Variants in KHDRBS2 observed in about 807,000 individuals in gnomAD.
KHDRBS2 encodes KH domain-containing, RNA-binding, signal transduction-associated protein 2.
Under a neutral mutation model 44.3 loss-of-function variants are expected in KHDRBS2, and 26 were observed. The observed-to-expected ratio is 0.59, with a 90% CI of 0.43 to 0.81. The LOEUF is 0.81. Among genes scored for constraint, KHDRBS2 ranks in the 40% least tolerant of loss-of-function variants. The probability of loss-of-function intolerance (pLI) is 0.00; values close to 1 mark genes in which losing one functional copy is unlikely to be tolerated. For synonymous variants in KHDRBS2, 194 were observed against 151.1 expected (o/e 1.28, Z -2.08); for missense variants, 476 against 433.1 (o/e 1.10, Z -0.88).
rs1396582237 is a variant in KHDRBS2 at position 61,955,601 on chromosome 6, T to C, written c.483+22465A>G. Among the ~76,000 whole-genome samples the C allele has an allele frequency of 3.0e-5, 2 of 66,180 alleles. 1 individual carries two copies. Among genetic ancestry groups the C allele is most frequent in the East Asian group, 1.5e-3 (2 of 1,372 alleles). The allele number at this position is 66,180 out of a possible 152,430, so 43.4% of individuals were successfully genotyped here. A position where few individuals can be genotyped will look rare whatever the true frequency, so the allele number is the denominator to read the frequency against. On this transcript the variant is annotated intron_variant, in intron 4 of 8. Coordinates refer to ENST00000281156, the MANE Select transcript of KHDRBS2 (RefSeq NM_152688.4). ...GTATGTATGTATGTATACATGTGTGTATATACACGTATGTATGTATGCATA... is the reference window on the plus strand; with the variant it reads ...GTATGTATGTATGTATACATGTGTGCATATACACGTATGTATGTATGCATA...
At chr6:62,000,996 C>T (rs1295401134) in intron 3 of KHDRBS2, among the ~76,000 whole-genome samples, 1 of 152,078 alleles carries the variant, frequency 6.6e-6, no homozygotes, top group Non-Finnish European at 1.5e-5. Flanking sequence ...GTTAAAGTAA[C>T]ACAAAGTGAC....
chr6:61,937,663 G>A (rs563843086), intron 4 of KHDRBS2, among the ~76,000 whole-genome samples: 20 of 152,134 alleles, frequency 1.3e-4, no homozygotes, highest in South Asian at 8.3e-4. Context: ...ACAGCCTTGC[G>A]CCAGCAGGCT....
intron 2 of KHDRBS2, among the ~76,000 whole-genome samples, chr6:62,066,161 A>C (rs558589278): frequency 1.4e-4 from 22 of 151,860 alleles, no homozygotes; most frequent in African/African-American, 5.1e-4. Context: ...CTATTATATT[A>C]ACAAACAGTC....
At chr6:61,627,865 A>G in the KHDRBS2 span, among the ~76,000 whole-genome samples, 2 of 152,200 alleles carry the variant, frequency 1.3e-5, no homozygotes, top group East Asian at 3.9e-4. Context: ...GTTCTAGTGA[A>G]TTTTCAAACC....
At chr6:62,235,669 T>C (rs1223930767) in intron 1 of KHDRBS2, among the ~76,000 whole-genome samples, 1 of 152,048 alleles carries the variant, frequency 6.6e-6, no homozygotes, top group African/African-American at 2.4e-5. Context: ...ATTTAAAAGA[T>C]GAAAATAGAA....
the KHDRBS2 span, among the ~76,000 whole-genome samples, chr6:61,553,234 G>T: frequency 1.3e-5 from 2 of 152,068 alleles, no homozygotes; most frequent in Non-Finnish European, 2.9e-5. Context: ...CTCTTGGGAG[G>T]TTGTATGTGT....
chr6:61,990,296 C>T (rs1775882758), intron 3 of KHDRBS2, among the ~76,000 whole-genome samples: 2 of 152,048 alleles, frequency 1.3e-5, no homozygotes, highest in Admixed American at 6.6e-5. Context: ...ATGAAGGAAA[C>T]ATTAGGGAAG....
At chr6:61,782,685 T>TG (rs1783127966) in intron 6 of KHDRBS2, among the ~76,000 whole-genome samples, 1 of 44,350 alleles carries the variant, frequency 2.3e-5, no homozygotes, top group Non-Finnish European at 4.3e-5. Context: ...TGTATAAAGG[T>TG]TGTGTATATA....
chr6:61,615,712 T>G, the KHDRBS2 span, among the ~76,000 whole-genome samples: 1 of 152,222 alleles, frequency 6.6e-6, no homozygotes, highest in Non-Finnish European at 1.5e-5. Flanking sequence ...TGAAACATTT[T>G]GGATTTTGAA....
chr6:61,735,212 A>G (rs1439774805), intron 6 of KHDRBS2, among the ~76,000 whole-genome samples: 2 of 152,042 alleles, frequency 1.3e-5, no homozygotes, highest in Non-Finnish European at 2.9e-5. Flanking sequence ...TCTACCCTTC[A>G]CCTAGATTCA....
chr6:62,202,497 CAGAG>C (rs145165346), intron 1 of KHDRBS2, among the ~76,000 whole-genome samples: 8,379 of 151,762 alleles, frequency 0.055, 310 homozygotes, highest in Non-Finnish European at 0.071. Flanking sequence ...AAGAGAAAAA[CAGAG>C]AGAGAGATTT....
intron 3 of KHDRBS2, among the ~76,000 whole-genome samples, chr6:62,018,401 GGA>G (rs1196687891): frequency 2.6e-5 from 4 of 151,272 alleles, no homozygotes; most frequent in African/African-American, 7.3e-5. Flanking sequence ...AAACCAGGCC[GGA>G]GTGTAGTGGC....
intron 3 of KHDRBS2, among the ~76,000 whole-genome samples, chr6:62,014,103 T>A (rs1300222172): frequency 6.6e-6 from 1 of 152,100 alleles, no homozygotes. Flanking sequence ...TGTTAAAACA[T>A]GAGATTAAAT....
chr6:61,662,238 A>G, the KHDRBS2 span, among the ~76,000 whole-genome samples: 3 of 152,178 alleles, frequency 2.0e-5, no homozygotes, highest in Admixed American at 6.6e-5. Flanking sequence ...ATCTTATACA[A>G]AAATTAATTC....
At chr6:61,732,465 A>G (rs1404697029) in intron 7 of KHDRBS2, among the ~76,000 whole-genome samples, 1 of 152,200 alleles carries the variant, frequency 6.6e-6, no homozygotes, top group Non-Finnish European at 1.5e-5. Flanking sequence ...ATAATCATCT[A>G]GTCTTAGAAT....
At chr6:61,883,226 T>C (rs1461999041) in intron 6 of KHDRBS2, among the ~76,000 whole-genome samples, 6 of 151,956 alleles carry the variant, frequency 3.9e-5, no homozygotes, top group East Asian at 1.9e-4. Flanking sequence ...AAAAAAAAGA[T>C]AGAACTCCCT....
chr6:61,655,125 A>C, the KHDRBS2 span, among the ~76,000 whole-genome samples: 1 of 151,800 alleles, frequency 6.6e-6, no homozygotes, highest in Admixed American at 6.6e-5. Context: ...AAACCCAATA[A>C]GGAGAGTTTA....
chr6:61,655,149 C>T, the KHDRBS2 span, among the ~76,000 whole-genome samples: 1 of 151,366 alleles, frequency 6.6e-6, no homozygotes, highest in African/African-American at 2.4e-5. Flanking sequence ...TATAGAAATC[C>T]CAGGACTATC....
At chr6:62,106,823 C>A (rs966634308) in intron 2 of KHDRBS2, among the ~76,000 whole-genome samples, 14 of 152,016 alleles carry the variant, frequency 9.2e-5, no homozygotes, top group African/African-American at 3.4e-4. Flanking sequence ...AGCATATAAA[C>A]AGAACCAAAG....
Sources: allele counts gnomAD v4.1 joint callset (sites outside exome capture counted in the v4.1 genomes callset), GRCh38; gene constraint gnomAD v4.1.1; transcripts MANE v1.5; gene names NCBI Gene and HGNC (gene_info 2026-07-23, HGNC 2026-07-21).